Variants in RORB observed in about 807,000 individuals in gnomAD.
RORB encodes the protein RAR related orphan receptor B.
A neutral mutation model predicts 59.1 loss-of-function variants in RORB; 6 were observed. The ratio of observed to expected loss-of-function variants is 0.10; its 90% confidence interval spans 0.06 to 0.20. The LOEUF is 0.20. Among genes scored for constraint, RORB ranks in the 10% least tolerant of loss-of-function variants. RORB has a pLI of 1.00. For synonymous variants in RORB, 215 were observed against 204.5 expected, an observed-to-expected ratio of 1.05 and a Z score of -0.44; for missense variants, 320 against 560.5, an observed-to-expected ratio of 0.57 and a Z score of 4.33.
chr9:74,631,436 A>T (rs145328107), intron 2 of RORB, among the ~76,000 whole-genome samples: 18 of 140,888 alleles, frequency 1.3e-4, no homozygotes, highest in African/African-American at 4.7e-4. Context: ...AGTAAACTGA[A>T]GGAAGTGTAG....
intron 1 of RORB, among the ~76,000 whole-genome samples, chr9:74,562,226 G>C (rs955433): frequency 6.6e-6 from 1 of 151,880 alleles, no homozygotes; most frequent in Non-Finnish European, 1.5e-5. Flanking sequence ...TGTACACTCA[G>C]TTATATGTCA....
At chr9:74,676,206 C>A (rs937710471) in intron 9 of RORB, among the ~76,000 whole-genome samples, 1 of 152,308 alleles carries the variant, frequency 6.6e-6, no homozygotes, top group Middle Eastern at 3.4e-3. Context: ...GTTGGCCTTC[C>A]CCAGTCTAGC....
At chr9:74,543,606 A>AT (rs146569177) in intron 1 of RORB, among the ~76,000 whole-genome samples, 34,870 of 150,670 alleles carry the variant, frequency 0.23, 4,707 homozygotes, top group Non-Finnish European at 0.31. Flanking sequence ...TTTGAGTTTA[A>AT]TTTTTTTTTT....
intron 1 of RORB, among the ~76,000 whole-genome samples, chr9:74,569,013 A>C (rs1401829968): frequency 3.3e-5 from 5 of 152,112 alleles, no homozygotes; most frequent in Admixed American, 1.3e-4. Context: ...CGTTAGTATG[A>C]ATGTACCAAT....
Position 74,689,957 on chromosome 9 carries a change from T to C in RORB, c.*4339T>C, listed in dbSNP as rs914341521. ...AAGAAATAATTTCTTCCTGACTCTT[T>C]TTTTTTCTATAAACTTTTATTTCCA... is the stretch of plus-strand genomic sequence containing the variant. On this transcript the variant is annotated 3_prime_UTR_variant, in exon 10 of 10. Coordinates refer to ENST00000376896, the MANE Select transcript of RORB (RefSeq NM_006914.4). 2 of 141,750 alleles carry C rather than the reference T, an allele frequency of 1.4e-5. No homozygotes were observed. The highest frequency in any genetic ancestry group is 2.1e-4 in the South Asian group (1 of 4,822). 8.8% of individuals were successfully genotyped at this position (141,750 alleles called of 1,614,324 possible). A position where few individuals can be genotyped will look rare whatever the true frequency, so the allele number is the denominator to read the frequency against.
chr9:74,577,254 T>C (rs1357496461), intron 1 of RORB, among the ~76,000 whole-genome samples: 3 of 152,242 alleles, frequency 2.0e-5, no homozygotes, highest in Non-Finnish European at 2.9e-5. Context: ...TTCACTAATG[T>C]CAAAATCGTT....
intron 1 of RORB, among the ~76,000 whole-genome samples, chr9:74,565,565 G>A (rs922929441): frequency 3.9e-5 from 6 of 152,102 alleles, no homozygotes; most frequent in Admixed American, 1.3e-4. Flanking sequence ...ATAAGTAGAC[G>A]TGTGACCCCT....
At chr9:74,646,957 C>A (rs1240446205) in intron 4 of RORB, among the ~76,000 whole-genome samples, 1 of 152,170 alleles carries the variant, frequency 6.6e-6, no homozygotes, top group African/African-American at 2.4e-5. Flanking sequence ...ATGTTTTATT[C>A]CCCTAGTTTT....
intron 1 of RORB, among the ~76,000 whole-genome samples, chr9:74,623,899 C>A (rs547689512): frequency 6.6e-6 from 1 of 152,308 alleles, no homozygotes; most frequent in Non-Finnish European, 1.5e-5. Flanking sequence ...GCCGCTACAA[C>A]TTATAAAGTG....
At chr9:74,511,411 A>G (rs913293497) in intron 1 of RORB, among the ~76,000 whole-genome samples, 1 of 152,132 alleles carries the variant, frequency 6.6e-6, no homozygotes, top group Non-Finnish European at 1.5e-5. Flanking sequence ...CTTGATATTA[A>G]CATCTTAGAA....
intron 1 of RORB, among the ~76,000 whole-genome samples, chr9:74,534,152 G>A (rs1826287861): frequency 6.6e-6 from 1 of 151,964 alleles, no homozygotes; most frequent in Non-Finnish European, 1.5e-5. Context: ...AAAATGGCGA[G>A]GTTCATATAC....
At chr9:74,627,721 C>G (rs1474852529) in intron 1 of RORB, among the ~76,000 whole-genome samples, 1 of 151,782 alleles carries the variant, frequency 6.6e-6, no homozygotes, top group Non-Finnish European at 1.5e-5. Flanking sequence ...AAGCTAAAAA[C>G]TATACAATGG....
intron 1 of RORB, among the ~76,000 whole-genome samples, chr9:74,615,368 G>A (rs1823294739): frequency 6.6e-6 from 1 of 152,156 alleles, no homozygotes; most frequent in Non-Finnish European, 1.5e-5. Context: ...TAGCGAATAA[G>A]TAGCATCAAA....
At chr9:74,620,373 G>C (rs1320257011) in intron 1 of RORB, among the ~76,000 whole-genome samples, 14 of 152,234 alleles carry the variant, frequency 9.2e-5, no homozygotes, top group African/African-American at 3.1e-4. Flanking sequence ...GCATTTCTGT[G>C]GGATCGGTGG....
At chr9:74,600,141 T>A (rs146631858) in intron 1 of RORB, among the ~76,000 whole-genome samples, 38 of 152,300 alleles carry the variant, frequency 2.5e-4, no homozygotes, top group African/African-American at 8.9e-4. Context: ...AACTTACCCA[T>A]CCTGTGTCTT....
chr9:74,578,111 T>G (rs1030838849), intron 1 of RORB, among the ~76,000 whole-genome samples: 45 of 152,036 alleles, frequency 3.0e-4, no homozygotes, highest in Non-Finnish European at 3.5e-4. Context: ...AAGATAAACT[T>G]GGGACTAAAC....
intron 1 of RORB, among the ~76,000 whole-genome samples, chr9:74,579,845 T>A (rs1822695300): frequency 1.3e-5 from 2 of 152,148 alleles, no homozygotes; most frequent in Admixed American, 6.6e-5. Context: ...AAGAGCGGTG[T>A]TTCAGAGCTT....
At chr9:74,589,736 C>T (rs933668953) in intron 1 of RORB, among the ~76,000 whole-genome samples, 1 of 152,134 alleles carries the variant, frequency 6.6e-6, no homozygotes, top group Non-Finnish European at 1.5e-5. Context: ...ACGCTCGCCT[C>T]CCCCAGGGAC....
chr9:74,593,051 A>T (rs1249348043), intron 1 of RORB, among the ~76,000 whole-genome samples: 1 of 152,116 alleles, frequency 6.6e-6, no homozygotes, highest in Non-Finnish European at 1.5e-5. Context: ...CCCTTTGTCC[A>T]TCCATTACTG....
Sources: allele counts gnomAD v4.1 joint callset (sites outside exome capture counted in the v4.1 genomes callset), GRCh38; gene constraint gnomAD v4.1.1; transcripts MANE v1.5; gene names NCBI Gene and HGNC (gene_info 2026-07-23, HGNC 2026-07-21).